Variants in SLC24A3 observed in about 807,000 individuals in gnomAD.
SLC24A3 encodes sodium/potassium/calcium exchanger 3.
Under a neutral mutation model 75.8 loss-of-function variants are expected in SLC24A3, and 28 were observed. That is an observed-to-expected ratio of 0.37 (90% CI 0.27 to 0.51). SLC24A3 has a LOEUF of 0.51. SLC24A3 is among the 20% of genes least tolerant of loss of function. The pLI is 0.94. For synonymous variants in SLC24A3, 372 were observed against 334.1 expected (o/e 1.11, Z -1.24); for missense variants, 663 against 847.8 (o/e 0.78, Z 2.71).
rs552889261 is a variant in SLC24A3 at position 19,629,250 on chromosome 20, C to T, written c.613-24812C>T. 5.9e-5 allele frequency among the ~76,000 whole-genome samples: 9 copies of T among 151,976 alleles called. No homozygotes were observed. The South Asian group carries it at 1.9e-3, about 32-fold the overall frequency. On this transcript the variant is annotated intron_variant, in intron 6 of 16. Transcript: ENST00000328041. ...AAACAGAAAATCTAGGGCTAAAGAA[C>T]AATAACTGAATTGAAAAATTCACCA... is the stretch of plus-strand genomic sequence containing the variant.
At chr20:19,243,568 G>T (rs932949085) in intron 1 of SLC24A3, among the ~76,000 whole-genome samples, 1 of 152,150 alleles carries the variant, frequency 6.6e-6, no homozygotes, top group Non-Finnish European at 1.5e-5. Flanking sequence ...GGAGAACATG[G>T]GTAGGTAATT....
chr20:19,546,947 A>G (rs1340907566), intron 3 of SLC24A3, among the ~76,000 whole-genome samples: 1 of 152,102 alleles, frequency 6.6e-6, no homozygotes, highest in Non-Finnish European at 1.5e-5. Context: ...TCAGACAACT[A>G]ATCTCTTTGG....
chr20:19,680,884 T>C (rs1341234949), intron 9 of SLC24A3, among the ~76,000 whole-genome samples: 3 of 152,210 alleles, frequency 2.0e-5, no homozygotes, highest in African/African-American at 7.2e-5. Flanking sequence ...TTGAGTGGCC[T>C]TCCAGCTGGC....
intron 2 of SLC24A3, among the ~76,000 whole-genome samples, chr20:19,293,516 C>T (rs917950191): frequency 1.3e-5 from 2 of 151,760 alleles, no homozygotes; most frequent in African/African-American, 4.8e-5. Flanking sequence ...ATTAGTTGGG[C>T]GTGGTGGCAG....
At chr20:19,283,981 A>G (rs564916651) in intron 2 of SLC24A3, among the ~76,000 whole-genome samples, 118 of 152,310 alleles carry the variant, frequency 7.7e-4, no homozygotes, top group African/African-American at 2.8e-3. Flanking sequence ...ACAGACCGTC[A>G]TCTAGACAGG....
Position 19,628,213 on chromosome 20 carries a change from A to AG in SLC24A3, c.613-25849_613-25848insG, listed in dbSNP as rs1362985805. 1.6e-3 allele frequency among the ~76,000 whole-genome samples: 246 copies of AG among 151,270 alleles called. 1 individual carries two copies. Among genetic ancestry groups the AG allele is most frequent in the African/African-American group, 5.8e-3 (238 of 41,292 alleles). On this transcript the variant is annotated intron_variant, in intron 6 of 16. Transcript: ENST00000328041. ...GCGAGACTCCATCTCAAAAAAAAAA[A>AG]AAAAAAAAAGAAAAAGAAAAAAGAA...
rs151306961 is a variant in SLC24A3 at position 19,286,537 on chromosome 20, T to C, written c.271+5450T>C. ...AGGGCCAACATTGTCATCTTTTACA[T>C]GAAAAAAACAAGAACCAGAGGGGAT... On this transcript the variant is annotated intron_variant, in intron 2 of 16. Transcript: ENST00000328041. 4.1e-3 allele frequency among the ~76,000 whole-genome samples: 631 copies of C among 152,144 alleles called. 4 individuals carry two copies. The highest frequency in any genetic ancestry group is 6.8e-3 in the Non-Finnish European group (463 of 68,008).
intron 1 of SLC24A3, among the ~76,000 whole-genome samples, chr20:19,216,505 A>G (rs1981558956): frequency 6.6e-6 from 1 of 152,232 alleles, no homozygotes; most frequent in Non-Finnish European, 1.5e-5. Flanking sequence ...AGCTACTCAG[A>G]GTCTCAGGCA....
chr20:19,641,689 G>T (rs1035737982), intron 6 of SLC24A3, among the ~76,000 whole-genome samples: 2 of 152,142 alleles, frequency 1.3e-5, no homozygotes, highest in African/African-American at 4.8e-5. Flanking sequence ...TAGAATTACT[G>T]GGGGGTATTT....
chr20:19,244,316 TACTC>T (rs1442324166), intron 1 of SLC24A3: 26 of 152,222 alleles, frequency 1.7e-4, no homozygotes, highest in African/African-American at 6.3e-4. Flanking sequence ...ATCCGTTAGA[TACTC>T]ACACTGTTAA....
At chr20:19,276,462 G>A (rs1983489106) in intron 1 of SLC24A3, among the ~76,000 whole-genome samples, 1 of 152,184 alleles carries the variant, frequency 6.6e-6, no homozygotes, top group African/African-American at 2.4e-5. Context: ...CATAAATCTG[G>A]ATGGTATAGC....
intron 1 of SLC24A3, among the ~76,000 whole-genome samples, chr20:19,255,502 C>A (rs1278219259): frequency 6.6e-6 from 1 of 152,198 alleles, no homozygotes; most frequent in Non-Finnish European, 1.5e-5. Context: ...CCAGGTGGCC[C>A]AAAGCATGGG....
chr20:19,515,614 G>A (rs2029971003), intron 3 of SLC24A3, 50 bp downstream of exon 3: 1 of 1,573,624 alleles, frequency 6.4e-7, no homozygotes, highest in African/African-American at 1.3e-5. Context: ...GCTAGGCCTA[G>A]GGGTGTGGGG....
At chr20:19,218,977 AT>A (rs571875947) in intron 1 of SLC24A3, among the ~76,000 whole-genome samples, 18 of 149,210 alleles carry the variant, frequency 1.2e-4, no homozygotes, top group South Asian at 8.6e-4. Flanking sequence ...GGTAATTTGG[AT>A]TTTTTTTTTC....
chr20:19,685,300 TGAG>T lies in SLC24A3; in HGVS notation c.1269_1271del (p.Glu426del), dbSNP rs764237494. On this transcript the variant is annotated inframe_deletion, in exon 12 of 17. Coordinates refer to ENST00000328041, the MANE Select transcript of SLC24A3 (RefSeq NM_020689.4). The stretch of plus-strand genomic sequence containing the variant: ...ATGAAAATGAGGACAATGAGAATGA[TGAG>T]GAGGAAGAGGAGGACGAGGATGATG... 103 of 1,613,884 alleles carry T rather than the reference TGAG, an allele frequency of 6.4e-5. No individual in the cohort carries two copies. Among genetic ancestry groups the T allele is most frequent in the South Asian group, 6.2e-4 (56 of 91,046 alleles).
intron 2 of SLC24A3, among the ~76,000 whole-genome samples, chr20:19,461,585 T>C (rs1403461258): frequency 7.0e-6 from 1 of 142,226 alleles, no homozygotes; most frequent in African/African-American, 2.6e-5. Flanking sequence ...CAGGCTAGAG[T>C]GCAGTGGCAC....
At chr20:19,589,835 C>T (rs2031349281) in intron 6 of SLC24A3, among the ~76,000 whole-genome samples, 1 of 152,016 alleles carries the variant, frequency 6.6e-6, no homozygotes, top group African/African-American at 2.4e-5. Context: ...GAAATGGATA[C>T]TGGGGGATTC....
chr20:19,273,212 G>A (rs994597353), intron 1 of SLC24A3, among the ~76,000 whole-genome samples: 6 of 152,180 alleles, frequency 3.9e-5, no homozygotes, highest in Non-Finnish European at 7.4e-5. Context: ...CAGTGTGGGC[G>A]AGGCCATGTA....
At chr20:19,461,060 T>A (rs961912422) in intron 2 of SLC24A3, among the ~76,000 whole-genome samples, 3 of 152,162 alleles carry the variant, frequency 2.0e-5, no homozygotes, top group South Asian at 2.1e-4. Context: ...AGGTCTCCAG[T>A]TTCTGGAAGA....
Sources: allele counts gnomAD v4.1 joint callset (sites outside exome capture counted in the v4.1 genomes callset), GRCh38; gene constraint gnomAD v4.1.1; transcripts MANE v1.5; gene names NCBI Gene and HGNC (gene_info 2026-07-23, HGNC 2026-07-21).